IL7: variants seen among roughly 807,000 people sequenced by gnomAD.
IL7 encodes the protein interleukin-7.
In IL7, 3 loss-of-function variants were observed where a neutral mutation model predicts 21.6. The observed-to-expected ratio is 0.14, with a 90% CI of 0.06 to 0.36. IL7 has a LOEUF of 0.36. Ranked by LOEUF, IL7 falls within the 10% of genes least tolerant of loss-of-function variation. The probability of loss-of-function intolerance (pLI) is 1.00; values close to 1 mark genes in which losing one functional copy is unlikely to be tolerated. For missense variants in IL7, 175 were observed against 200.2 expected, an observed-to-expected ratio of 0.87 and a Z score of 0.76; for synonymous variants, 62 against 68.1, an observed-to-expected ratio of 0.91 and a Z score of 0.44.
rs372169469 is a variant in IL7, at chr8:78,683,939, G to C, written n.273+1950C>G. Among the ~76,000 whole-genome samples the C allele has an allele frequency of 7.2e-5, 11 of 152,254 alleles. No homozygotes were observed. In the East Asian group the frequency reaches 1.4e-3, roughly 19 times the overall value. On this transcript the variant is annotated intron_variant and non_coding_transcript_variant, in intron 4 of 4. Transcript: ENST00000523959. ...CTAAAGCATAACAAGAATCACCTTTGCTCCATTTCCCAGCAAGTTCTTCAT... is the reference window on the plus strand; with the variant it reads ...CTAAAGCATAACAAGAATCACCTTTCCTCCATTTCCCAGCAAGTTCTTCAT...
In IL7 at chr8:78,709,176, A is replaced by G. The variant is rs368459953; in HGVS notation, n.214+12172T>C. 3.9e-5 allele frequency among the ~76,000 whole-genome samples: 6 copies of G among 152,320 alleles called. No homozygotes were observed. The East Asian group carries it at 5.8e-4, about 15-fold the overall frequency. ...TCCTTTTAGTTACTATGAAAAGCAC[A>G]TTTACTTTGGAGAGCAACTGTAATA... On this transcript the variant is annotated intron_variant and non_coding_transcript_variant, in intron 3 of 4. Coordinates refer to the IL7 transcript ENST00000523959.
chr8:78,736,586 T>C, intron 4 of IL7, 59 bp from the exon 5 acceptor site: 1 of 1,043,862 alleles, frequency 9.6e-7, no homozygotes, highest in Non-Finnish European at 1.5e-6. Flanking sequence ...CTCCAGTTGT[T>C]TGTAATTGCT....
chr8:78,693,208 T>C (rs976461241), intron 3 of IL7, among the ~76,000 whole-genome samples: 1 of 152,192 alleles, frequency 6.6e-6, no homozygotes, highest in African/African-American at 2.4e-5. Context: ...TTATGTGTCT[T>C]TATAGCAGCA....
chr8:78,717,556 C>A, downstream of IL7: 1 of 1,481,668 alleles, frequency 6.7e-7, no homozygotes, highest in Admixed American at 2.3e-5. Context: ...GCTTGGACAG[C>A]TAGAGCACAT....
At chr8:78,766,094 T>G (rs1812745191) in intron 2 of IL7, among the ~76,000 whole-genome samples, 1 of 152,146 alleles carries the variant, frequency 6.6e-6, no homozygotes, top group African/African-American at 2.4e-5. Flanking sequence ...ATATACAGTT[T>G]GAGTGCAACT....
chr8:78,755,745 AT>A (rs1812325095), intron 2 of IL7, among the ~76,000 whole-genome samples: 1 of 151,712 alleles, frequency 6.6e-6, no homozygotes, highest in African/African-American at 2.4e-5. Context: ...GAGTATTTAG[AT>A]TTTTCTATGT....
chr8:78,801,257 A>G (rs1007729449), intron 1 of IL7, among the ~76,000 whole-genome samples: 1 of 152,202 alleles, frequency 6.6e-6, no homozygotes, highest in Non-Finnish European at 1.5e-5. Flanking sequence ...TTGTTTCAAG[A>G]GATTTCACTA....
intron 2 of IL7, among the ~76,000 whole-genome samples, chr8:78,786,957 G>C (rs1813529623): frequency 6.6e-6 from 1 of 152,160 alleles, no homozygotes; most frequent in Non-Finnish European, 1.5e-5. Context: ...GATTTAATCA[G>C]TCATGCCTAA....
Position 78,738,439 on chromosome 8 carries a change from A to C in IL7, c.360+65T>G, listed in dbSNP as rs557898291. ...ATGATAATGGATGTGATCATCAGAG[A>C]ATAGTGGTATCTTGGCACAGGAGTA... On this transcript the variant is annotated intron_variant, in intron 4 of 5. Transcript: ENST00000263851. 11 of 1,323,320 alleles carry C rather than the reference A, an allele frequency of 8.3e-6. No homozygotes were observed. In the East Asian group the frequency reaches 2.6e-4, roughly 31 times the overall value. 82.0% of individuals were successfully genotyped at this position (1,323,320 alleles called of 1,614,324 possible).
chr8:78,696,345 A>T (rs1033153299), intron 3 of IL7, among the ~76,000 whole-genome samples: 1 of 151,968 alleles, frequency 6.6e-6, no homozygotes, highest in African/African-American at 2.4e-5. Flanking sequence ...GTTAAAACCA[A>T]TTTTTCACAT....
intron 2 of IL7, among the ~76,000 whole-genome samples, chr8:78,797,617 T>C (rs1320916605): frequency 6.6e-6 from 1 of 152,022 alleles, no homozygotes; most frequent in African/African-American, 2.4e-5. Flanking sequence ...TAACAAATTA[T>C]TGATTACACA....
rs765427708 is a variant in IL7, at chr8:78,719,357, G to A, written n.477-247C>T. The A allele has an allele frequency of 2.6e-5, 4 of 151,668 alleles. No homozygotes were observed. In the South Asian group the frequency reaches 8.3e-4, roughly 31 times the overall value. 9.4% of individuals were successfully genotyped at this position (151,668 alleles called of 1,614,324 possible). On this transcript the variant is annotated intron_variant and non_coding_transcript_variant, in intron 5 of 6. Transcript: ENST00000519833. ...TTAATGTTATAATGTACCACATGGA[G>A]ATGAGTTGGTAAGAAATCATCTAGT...
chr8:78,802,857 T>C (rs1814126259), intron 1 of IL7, among the ~76,000 whole-genome samples: 1 of 152,218 alleles, frequency 6.6e-6, no homozygotes. Context: ...CATATATGTG[T>C]AGTCAAGGGG....
At chr8:78,765,162 C>G (rs943370451) in intron 2 of IL7, among the ~76,000 whole-genome samples, 6 of 152,068 alleles carry the variant, frequency 3.9e-5, no homozygotes, top group African/African-American at 9.7e-5. Flanking sequence ...AGACCTTGAA[C>G]CTTTCACAAA....
At chr8:78,784,682 CTG>C (rs1407500826) in intron 2 of IL7, among the ~76,000 whole-genome samples, 5 of 151,832 alleles carry the variant, frequency 3.3e-5, no homozygotes, top group Non-Finnish European at 7.4e-5. Context: ...CAGAGAGTCT[CTG>C]TCCTAAAAAT....
chr8:78,677,354 TAA>T (rs34753315), intron 4 of IL7, among the ~76,000 whole-genome samples: 1 of 148,200 alleles, frequency 6.7e-6, no homozygotes, highest in Non-Finnish European at 1.5e-5. Flanking sequence ...GACAACTCTT[TAA>T]AAAAAAAAAT....
intron 1 of IL7, 152 bp from the exon 2 acceptor site, chr8:78,798,360 T>TATGTAAC: frequency 1.7e-6 from 1 of 572,910 alleles, no homozygotes; most frequent in Non-Finnish European, 3.0e-6. Context: ...AAGTTGAACT[T>TATGTAAC]ATGTAACAAC....
chr8:78,732,162 G>T (rs1811437107), downstream of IL7, among the ~76,000 whole-genome samples: 1 of 152,070 alleles, frequency 6.6e-6, no homozygotes, highest in Non-Finnish European at 1.5e-5. Context: ...TCTGAAGAAA[G>T]AAAGCTTGGT....
chr8:78,709,081 T>C (rs1249187121), intron 3 of IL7, among the ~76,000 whole-genome samples: 1 of 152,218 alleles, frequency 6.6e-6, no homozygotes, highest in African/African-American at 2.4e-5. Flanking sequence ...TTGTACCTTA[T>C]TACCAGTTTA....
Sources: allele counts gnomAD v4.1 joint callset (sites outside exome capture counted in the v4.1 genomes callset), GRCh38; gene constraint gnomAD v4.1.1; transcripts MANE v1.5; gene names NCBI Gene and HGNC (gene_info 2026-07-23, HGNC 2026-07-21).